IQCH: variants seen among roughly 807,000 people sequenced by gnomAD.
The protein encoded by IQCH is IQ domain-containing protein H.
In IQCH, 98 loss-of-function variants were observed where a neutral mutation model predicts 117.0. The ratio of observed to expected loss-of-function variants is 0.84; its 90% CI spans 0.71 to 0.99. The LOEUF (loss-of-function observed/expected upper bound fraction) is 0.99. Ranked by LOEUF, IQCH falls within the 50% of genes least tolerant of loss-of-function variation. IQCH has a pLI of 0.00. For missense variants in IQCH, 1,102 were observed against 1,243.8 expected (o/e 0.89, Z 1.72); for synonymous variants, 412 against 448.2 (o/e 0.92, Z 1.02).
intron 4 of IQCH, among the ~76,000 whole-genome samples, chr15:67,317,785 AAGGATTCTGT>A (rs1967919255): frequency 6.6e-6 from 1 of 150,536 alleles, no homozygotes; most frequent in Non-Finnish European, 1.5e-5. Context: ...AATGAAGAGG[AAGGATTCTGT>A]AGAGAAGTGA....
intron 18 of IQCH, among the ~76,000 whole-genome samples, chr15:67,486,464 A>G (rs1034706844): frequency 1.3e-5 from 2 of 152,156 alleles, no homozygotes; most frequent in Middle Eastern, 3.2e-3. Flanking sequence ...TAAATATCCC[A>G]CATATCCCTG....
At chr15:67,347,863 C>A (rs1969475448) in intron 6 of IQCH, among the ~76,000 whole-genome samples, 1 of 145,134 alleles carries the variant, frequency 6.9e-6, no homozygotes, top group Non-Finnish European at 1.5e-5. Flanking sequence ...ATTTATATAT[C>A]TATATATTTA....
chr15:67,372,516 A>T lies in IQCH; in HGVS notation c.1159A>T (p.Lys387Ter). The T allele has an allele frequency of 6.2e-7, 1 of 1,614,052 alleles. No homozygotes were observed. Among genetic ancestry groups the T allele is most frequent in the Non-Finnish European group, 8.5e-7 (1 of 1,179,980 alleles). The change falls in exon 9 of 21, where the codon AAA becomes TAA. Residue 387 changes from lysine (K) to a stop codon, truncating the protein, a stop_gained. Transcript: ENST00000335894. LOFTEE classifies it high-confidence loss of function. The part of the protein sequence containing the change: ...QATWKCYKAR[K>*]FFLFYRQQKW... The stretch of plus-strand genomic sequence containing the variant: ...CACATGGAAATGCTACAAAGCAAGA[A>T]AATTCTTCCTCTTTTATCGCCAGCA...
rs979979769 is a variant in IQCH, at chr15:67,344,142, A to G, written c.588A>G (p.Arg196=). 2 of 1,613,678 alleles carry G rather than the reference A, an allele frequency of 1.2e-6. No individual in the cohort carries two copies. Among genetic ancestry groups the G allele is most frequent in the Non-Finnish European group, 1.7e-6 (2 of 1,179,756 alleles). ...TTCAGAATCCACCCATTACACCCAG[A>G]GCAGCTCCTCTGCATAGTTTTGATG... The part of the protein sequence containing the change: ...ITFQNPPITP[R]AAPLHSFDEA... Residue 196 remains arginine (R), a synonymous_variant, in exon 6 of 21, where the codon AGA becomes AGG. Transcript: ENST00000335894.
Position 67,342,926 on chromosome 15 carries a change from G to A in IQCH, c.509-1137G>A, listed in dbSNP as rs1399975666. Among the ~76,000 whole-genome samples, 1 of 152,036 alleles carries A rather than the reference G, an allele frequency of 6.6e-6. No individual in the cohort carries two copies. The highest frequency in any genetic ancestry group is 2.4e-5 in the African/African-American group (1 of 41,410). On this transcript the variant is annotated intron_variant, in intron 5 of 20. Transcript: ENST00000335894. The surrounding 1 kb of genome is among the most constrained non-coding windows in gnomAD (Gnocchi z 4.7). ...AGAAGTTTGGACAGGTTGAGTTGGGGCCCAGGCATCTCCGCTTTTAATAAC... is the reference window on the plus strand; with the variant it reads ...AGAAGTTTGGACAGGTTGAGTTGGGACCCAGGCATCTCCGCTTTTAATAAC...
At chr15:67,358,020 G>A (rs1207496943) in intron 7 of IQCH, among the ~76,000 whole-genome samples, 2 of 151,290 alleles carry the variant, frequency 1.3e-5, no homozygotes, top group African/African-American at 2.4e-5. Context: ...CACCATGCCC[G>A]GCTAATTTTT....
chr15:67,462,162 T>C (rs1339634648), intron 16 of IQCH, among the ~76,000 whole-genome samples: 1 of 150,626 alleles, frequency 6.6e-6, no homozygotes, highest in African/African-American at 2.4e-5. Context: ...TTGGGCGCGG[T>C]GGCTCATGTC....
chr15:67,360,290 G>A lies in IQCH; in HGVS notation c.753+405G>A, dbSNP rs567933995. ...TTATATGTGTGCATGCATATAGGAT[G>A]CACACACACATGCAACATACTGCAT... On this transcript the variant is annotated intron_variant, in intron 8 of 20. Transcript: ENST00000335894. 1.4e-3 allele frequency among the ~76,000 whole-genome samples: 206 copies of A among 152,238 alleles called. 1 individual carries two copies. Among genetic ancestry groups the A allele is most frequent in the Admixed American group, 3.9e-3 (59 of 15,290 alleles).
intron 3 of IQCH, among the ~76,000 whole-genome samples, chr15:67,269,049 T>C (rs558206267): frequency 7.3e-4 from 108 of 148,842 alleles, no homozygotes; most frequent in South Asian, 1.1e-3. Context: ...ACACTTGATA[T>C]AGACAGAAGG....
intron 15 of IQCH, among the ~76,000 whole-genome samples, chr15:67,419,682 T>C (rs2081674752): frequency 6.6e-6 from 1 of 152,184 alleles, no homozygotes; most frequent in Non-Finnish European, 1.5e-5. Flanking sequence ...GCCTTCTGAG[T>C]AGCTGGTACT....
intron 4 of IQCH, among the ~76,000 whole-genome samples, chr15:67,314,484 GAAAA>G (rs11343033): frequency 3.7e-5 from 5 of 136,216 alleles, no homozygotes; most frequent in Non-Finnish European, 4.7e-5. Context: ...TGTGCTAAAT[GAAAA>G]AAAAAAAAAA....
At chr15:67,368,447 C>T (rs1280406467) in intron 8 of IQCH, among the ~76,000 whole-genome samples, 3 of 152,194 alleles carry the variant, frequency 2.0e-5, no homozygotes, top group Admixed American at 2.0e-4. Flanking sequence ...AGACAAATAG[C>T]ATCCCTGGTC....
chr15:67,442,292 C>A (rs2082289569), intron 16 of IQCH, among the ~76,000 whole-genome samples: 1 of 151,978 alleles, frequency 6.6e-6, no homozygotes, highest in African/African-American at 2.4e-5. Context: ...TGCCTGTAAT[C>A]CCAGCTACTC....
intron 16 of IQCH, among the ~76,000 whole-genome samples, chr15:67,448,346 G>C (rs1218561131): frequency 6.6e-6 from 1 of 151,394 alleles, no homozygotes; most frequent in Non-Finnish European, 1.5e-5. Context: ...TTAGCATTAA[G>C]TATATCTCCT....
rs971588207 is a variant in IQCH, at chr15:67,454,182, T to C, written c.2506-10945T>C. 2.0e-5 allele frequency among the ~76,000 whole-genome samples: 3 copies of C among 152,336 alleles called. No individual in the cohort carries two copies. The highest frequency in any genetic ancestry group is 3.9e-4 in the East Asian group (2 of 5,186). On this transcript the variant is annotated intron_variant, in intron 16 of 20. Transcript: ENST00000335894. The surrounding 1 kb of genome is among the most constrained non-coding windows in gnomAD (Gnocchi z 5.2). Reference sequence around the variant, plus strand: ...TCCCTGACCCCTTGCGCTTCCCAGGTGGGGCGATGCCTTGCCCTGCTTTGG... The same window carrying C: ...TCCCTGACCCCTTGCGCTTCCCAGGCGGGGCGATGCCTTGCCCTGCTTTGG...
intron 4 of IQCH, among the ~76,000 whole-genome samples, chr15:67,294,066 A>G (rs1352290655): frequency 6.6e-6 from 1 of 152,180 alleles, no homozygotes; most frequent in African/African-American, 2.4e-5. Flanking sequence ...GCCAGAGGGT[A>G]TGCCTAATGC....
At chr15:67,380,482 C>T (rs1421565655) in intron 10 of IQCH, among the ~76,000 whole-genome samples, 1 of 152,170 alleles carries the variant, frequency 6.6e-6, no homozygotes, top group Non-Finnish European at 1.5e-5. Context: ...GGGAACCCAC[C>T]TTCTTGCTTT....
In IQCH at chr15:67,413,506, A is replaced by C. The variant is rs2081501844; in HGVS notation, c.2098-3425A>C. 6.6e-6 allele frequency: 1 copy of C among 152,116 alleles called. No homozygotes were observed. The highest frequency in any genetic ancestry group is 1.5e-5 in the Non-Finnish European group (1 of 68,008). 9.4% of individuals were successfully genotyped at this position (152,116 alleles called of 1,614,324 possible). A position where few individuals can be genotyped will look rare whatever the true frequency, so the allele number is the denominator to read the frequency against. On this transcript the variant is annotated intron_variant, in intron 14 of 20. Coordinates refer to ENST00000335894, the MANE Select transcript of IQCH (RefSeq NM_001031715.3). The surrounding 1 kb of genome is among the most constrained non-coding windows in gnomAD (Gnocchi z 5.0). ...AATGTCATTTTTCTGACCTTACTTG[A>C]ATATATGAGCTGCAGGTCCTGCTGT...
rs1298393646 is a variant in IQCH, at chr15:67,430,191, T to C, written c.2505+8614T>C. ...ATCTGGCCTTCCCACATAAGGATAATATTATGTAAGGGGATCCAAGCAGTA... is the reference window on the plus strand; with the variant it reads ...ATCTGGCCTTCCCACATAAGGATAACATTATGTAAGGGGATCCAAGCAGTA... On this transcript the variant is annotated intron_variant, in intron 16 of 20. Transcript: ENST00000335894. The surrounding 1 kb of genome is among the most constrained non-coding windows in gnomAD (Gnocchi z 5.1). The C allele has an allele frequency of 6.6e-6, 1 of 151,848 alleles. No individual in the cohort carries two copies. Among genetic ancestry groups the C allele is most frequent in the Non-Finnish European group, 1.5e-5 (1 of 68,010 alleles). 9.4% of individuals were successfully genotyped at this position (151,848 alleles called of 1,614,324 possible).
Sources: allele counts gnomAD v4.1 joint callset (sites outside exome capture counted in the v4.1 genomes callset), GRCh38; gene constraint gnomAD v4.1.1; non-coding constraint Gnocchi (gnomAD v3.1); transcripts MANE v1.5; gene names NCBI Gene and HGNC (gene_info 2026-07-23, HGNC 2026-07-21).